The following MLPH variants were observed in gnomAD, a reference collection of about 807,000 sequenced individuals.
MLPH encodes the protein melanophilin, also known as exophilin-3.
MLPH carries 51 observed loss-of-function variants against 72.1 expected under a neutral mutation model. The ratio of observed to expected loss-of-function variants is 0.71; its 90% CI spans 0.56 to 0.89. The LOEUF is 0.89. MLPH is among the 40% of genes least tolerant of loss of function. The probability of loss-of-function intolerance (pLI) is 0.00; values close to 1 mark genes in which losing one functional copy is unlikely to be tolerated. For missense variants in MLPH, 743 were observed against 759.9 expected (o/e 0.98, Z 0.26); for synonymous variants, 301 against 310.1 (o/e 0.97, Z 0.31).
At chr2:237,531,863 G>A (rs990506880) in intron 8 of MLPH, among the ~76,000 whole-genome samples, 2 of 152,044 alleles carry the variant, frequency 1.3e-5, no homozygotes. Context: ...ACAGTGACCT[G>A]GGGGGCCCTT....
Position 237,546,661 on chromosome 2 carries a change from C to T in MLPH, c.1595C>T (p.Ala532Val). The change falls in exon 13 of 16, where the codon GCA becomes GTA. Residue 532 changes from alanine to valine, a missense_variant. Ala to Val is a moderately conservative substitution (Grantham distance 64, BLOSUM62 0). Transcript: ENST00000264605. ...GGCAAGAGACCAGAGGACCCAAATG[C>T]AGACCCTTCAAGTGAGGCCAAGGTA... Reference protein sequence around the residue: ...KLGKRPEDPNADPSSEAKAMA... With the variant: ...KLGKRPEDPNVDPSSEAKAMA... The T allele has an allele frequency of 6.2e-7, 1 of 1,614,170 alleles. No individual in the cohort carries two copies. Among genetic ancestry groups the T allele is most frequent in the Non-Finnish European group, 8.5e-7 (1 of 1,179,998 alleles).
intron 2 of MLPH, among the ~76,000 whole-genome samples, chr2:237,494,186 G>A (rs140640353): frequency 3.9e-5 from 6 of 152,182 alleles, no homozygotes; most frequent in African/African-American, 1.2e-4. Flanking sequence ...GCGAAGGGGG[G>A]GGCAGAGAGC....
intron 2 of MLPH, among the ~76,000 whole-genome samples, chr2:237,498,226 T>G (rs988833851): frequency 1.3e-5 from 2 of 152,242 alleles, no homozygotes; most frequent in African/African-American, 4.8e-5. Flanking sequence ...GCGGATTCAC[T>G]TAATGCACCA....
chr2:237,501,839 A>G (rs1473151676), intron 2 of MLPH, among the ~76,000 whole-genome samples: 1 of 151,982 alleles, frequency 6.6e-6, no homozygotes, highest in Non-Finnish European at 1.5e-5. Flanking sequence ...TAATAATAAT[A>G]AATAAAATAA....
At chr2:237,552,514 T>C (rs2081059931) in intron 15 of MLPH, 77 bp downstream of exon 15, 2 of 1,240,254 alleles carry the variant, frequency 1.6e-6, no homozygotes, top group Non-Finnish European at 2.3e-6. Flanking sequence ...AATTAAGTCT[T>C]CAGAGCAAAG....
chr2:237,530,768 G>A (rs2080403990), intron 8 of MLPH, among the ~76,000 whole-genome samples: 1 of 152,220 alleles, frequency 6.6e-6, no homozygotes, highest in African/African-American at 2.4e-5. Context: ...GCAAGGCCCT[G>A]ACACAAGGAA....
At chr2:237,549,138 A>C (rs2080981167) in intron 13 of MLPH, 83 bp from the exon 14 acceptor site, 2 of 1,297,626 alleles carry the variant, frequency 1.5e-6, no homozygotes, top group Non-Finnish European at 2.2e-6. Flanking sequence ...AGAAGCTGGA[A>C]GAACAATAAG....
chr2:237,540,727 G>A (rs776614382), intron 10 of MLPH, 75 bp from the exon 11 acceptor site: 76 of 1,580,472 alleles, frequency 4.8e-5, no homozygotes, highest in Middle Eastern at 1.7e-4. Flanking sequence ...GAGCAATATC[G>A]TGGTGAGTCC....
At chr2:237,487,661 G>A (rs2079344960) in intron 1 of MLPH, among the ~76,000 whole-genome samples, 1 of 152,236 alleles carries the variant, frequency 6.6e-6, no homozygotes, top group South Asian at 2.1e-4. Context: ...GACTGCTCTG[G>A]GTGCAGGCAC....
At position 237,518,636 on chromosome 2, in the gene MLPH, C is replaced by G; in HGVS notation, c.543C>G (p.Pro181=). Residue 181 remains proline (P), a synonymous_variant, in exon 5 of 16, where the codon CCC becomes CCG. Coordinates refer to ENST00000264605, the MANE Select transcript of MLPH (RefSeq NM_024101.7). The stretch of plus-strand genomic sequence containing the variant: ...CAGAGGCCCAGGCCCAGGCCCAGCC[C>G]TTTGGCAGCAAAGTAAGTCATCTCC... ...PGSEAQAQAQ[P]FGSKKKRLLS... 1.2e-6 allele frequency: 2 copies of G among 1,612,792 alleles called. No homozygotes were observed. The highest frequency in any genetic ancestry group is 1.3e-5 in the African/African-American group (1 of 74,974).
intron 9 of MLPH, 68 bp downstream of exon 9, chr2:237,534,715 G>C: frequency 8.0e-7 from 1 of 1,254,534 alleles, no homozygotes; most frequent in Non-Finnish European, 1.2e-6. Flanking sequence ...GCTGAAGTGT[G>C]ACATGGGCTT....
rs397689972 is a variant in MLPH at position 237,519,087 on chromosome 2, G to GT, written c.555+448dup. 1.2e-3 allele frequency among the ~76,000 whole-genome samples: 176 copies of GT among 148,360 alleles called. 1 individual carries two copies. The highest frequency in any genetic ancestry group is 0.01 in the South Asian group (48 of 4,706). On this transcript the variant is annotated intron_variant, in intron 5 of 15. Coordinates refer to ENST00000264605, the MANE Select transcript of MLPH (RefSeq NM_024101.7). ...TTCTGGGTTTTGTTTTGTTTTGTTT[G>GT]TTTTTTTTTGCCAACCATGAGCCTT...
At chr2:237,539,553 T>G (rs777602407) in intron 9 of MLPH, among the ~76,000 whole-genome samples, 2 of 152,170 alleles carry the variant, frequency 1.3e-5, no homozygotes, top group Admixed American at 6.5e-5. Flanking sequence ...TGCCACTTTC[T>G]CGGAGCTGGC....
chr2:237,542,112 G>T (rs1405847140), intron 11 of MLPH, among the ~76,000 whole-genome samples: 1 of 152,140 alleles, frequency 6.6e-6, no homozygotes, highest in Non-Finnish European at 1.5e-5. Flanking sequence ...GGGTGATGGG[G>T]CCTGCTTCTA....
At chr2:237,511,188 G>C in intron 4 of MLPH, 87 bp downstream of exon 4, 2 of 978,270 alleles carry the variant, frequency 2.0e-6, no homozygotes, top group Non-Finnish European at 3.3e-6. Context: ...GCATGTGTGT[G>C]TGTACGTGTG....
chr2:237,525,887 C>G (rs913392291), intron 7 of MLPH, 82 bp downstream of exon 7: 2 of 1,330,360 alleles, frequency 1.5e-6, no homozygotes, highest in African/African-American at 2.9e-5. Flanking sequence ...CCACCCTGAC[C>G]TATCCAACAC....
rs79768433 is a variant in MLPH at position 237,550,170 on chromosome 2, T to C, written c.1675+892T>C. 8.5e-3 allele frequency among the ~76,000 whole-genome samples: 1,298 copies of C among 152,242 alleles called. 23 individuals carry two copies. Among genetic ancestry groups the C allele is most frequent in the African/African-American group, 0.029 (1,206 of 41,538 alleles). ...CCTGGGTGTGCCCCCTCCCTGCCCA[T>C]CTCTGTCCTGTGAAGTCCTCCAGGG... On this transcript the variant is annotated intron_variant, in intron 14 of 15. Coordinates refer to ENST00000264605, the MANE Select transcript of MLPH (RefSeq NM_024101.7).
At chr2:237,503,301 G>A (rs571161797) in intron 2 of MLPH, among the ~76,000 whole-genome samples, 63 of 152,292 alleles carry the variant, frequency 4.1e-4, no homozygotes, top group African/African-American at 1.2e-3. Flanking sequence ...GGTCTGAGAT[G>A]TTTTAGGAGA....
chr2:237,555,201 C>T lies in MLPH; in HGVS notation c.*1609C>T, dbSNP rs991234968. On this transcript the variant is annotated 3_prime_UTR_variant, in exon 16 of 16. Transcript: ENST00000264605. ...CTGAGGCAGGAGGATCACTTGAGCC[C>T]TGGAGGTTGGGGCTGCAGTGAGCCA... 2 of 152,180 alleles carry T rather than the reference C, an allele frequency of 1.3e-5. No homozygotes were observed. Among genetic ancestry groups the T allele is most frequent in the African/African-American group, 2.4e-5 (1 of 41,402 alleles). The allele number at this position is 152,180 out of a possible 1,614,324, so 9.4% of individuals were successfully genotyped here. A position where few individuals can be genotyped will look rare whatever the true frequency, so the allele number is the denominator to read the frequency against.
Sources: gnomAD v4.1 joint callset for allele counts (sites outside exome capture counted in the v4.1 genomes callset) on GRCh38, gnomAD v4.1.1 for gene constraint, MANE v1.5 for transcripts, NCBI Gene and HGNC (gene_info 2026-07-23, HGNC 2026-07-21) for gene names.